Variants in MAD1L1 observed in about 807,000 individuals in gnomAD.
MAD1L1 encodes the protein mitotic spindle assembly checkpoint protein MAD1.
A neutral mutation model predicts 96.9 loss-of-function variants in MAD1L1; 95 were observed. That is an observed-to-expected ratio of 0.98 (90% confidence interval 0.83 to 1.16). The LOEUF (loss-of-function observed/expected upper bound fraction) is 1.16. MAD1L1 is among the 50% of genes most tolerant of loss of function. MAD1L1 has a pLI of 0.00. For synonymous variants in MAD1L1, 473 were observed against 396.6 expected, an observed-to-expected ratio of 1.19 and a Z score of -2.29; for missense variants, 1,007 against 954.4, an observed-to-expected ratio of 1.06 and a Z score of -0.73.
At chr7:2,010,263 C>A (rs996946926) in intron 13 of MAD1L1, among the ~76,000 whole-genome samples, 1 of 151,706 alleles carries the variant, frequency 6.6e-6, no homozygotes, top group Admixed American at 6.6e-5. Flanking sequence ...AGTGACAGCA[C>A]CCGCAGAGCT....
chr7:1,906,619 G>A (rs1036065462), intron 17 of MAD1L1, among the ~76,000 whole-genome samples: 5 of 152,352 alleles, frequency 3.3e-5, no homozygotes, highest in Admixed American at 1.3e-4. Context: ...CTCTTTCCCT[G>A]CAGTGCAACT....
At chr7:1,885,306 C>T (rs915489486) in intron 18 of MAD1L1, among the ~76,000 whole-genome samples, 5 of 152,188 alleles carry the variant, frequency 3.3e-5, no homozygotes, top group Non-Finnish European at 2.9e-5. Context: ...CACACCACAG[C>T]GTCCCTCTCG....
chr7:2,215,055 G>T (rs1793188312), intron 9 of MAD1L1, among the ~76,000 whole-genome samples: 1 of 152,008 alleles, frequency 6.6e-6, no homozygotes, highest in Non-Finnish European at 1.5e-5. Context: ...AACACAGGGA[G>T]ACCCCATCTC....
intron 17 of MAD1L1, among the ~76,000 whole-genome samples, chr7:1,929,166 C>T (rs1179438004): frequency 6.6e-6 from 1 of 151,994 alleles, no homozygotes; most frequent in Non-Finnish European, 1.5e-5. Flanking sequence ...CCCTCCCGGG[C>T]CTCCCCTCTT....
intron 18 of MAD1L1, among the ~76,000 whole-genome samples, chr7:1,825,801 C>T (rs1782356395): frequency 6.6e-6 from 1 of 152,140 alleles, no homozygotes; most frequent in Non-Finnish European, 1.5e-5. Flanking sequence ...TGCTCTCATC[C>T]CAGCAGGTGC....
chr7:1,889,512 T>A (rs1175095593), intron 18 of MAD1L1, among the ~76,000 whole-genome samples: 1 of 152,204 alleles, frequency 6.6e-6, no homozygotes, highest in Non-Finnish European at 1.5e-5. Flanking sequence ...CTGAGGCTTG[T>A]CGGGGCCAGG....
intron 5 of MAD1L1, 54 bp from the exon 6 acceptor site, chr7:2,219,510 A>C: frequency 2.5e-6 from 4 of 1,590,198 alleles, no homozygotes; most frequent in Non-Finnish European, 3.4e-6. Flanking sequence ...CGTGCGTGGA[A>C]GGAGCCTGCA....
chr7:1,934,180 A>G (rs1789644464), intron 17 of MAD1L1, among the ~76,000 whole-genome samples: 1 of 152,120 alleles, frequency 6.6e-6, no homozygotes, highest in African/African-American at 2.4e-5. Context: ...GGCCCCCACT[A>G]TCCCAGGCCT....
chr7:2,162,913 G>A (rs920964124), intron 10 of MAD1L1, among the ~76,000 whole-genome samples: 2 of 147,266 alleles, frequency 1.4e-5, no homozygotes, highest in East Asian at 4.0e-4. Context: ...ACGACACACC[G>A]CTCATGATTG....
intron 11 of MAD1L1, among the ~76,000 whole-genome samples, chr7:2,087,366 C>G (rs906491799): frequency 1.2e-4 from 18 of 152,084 alleles, no homozygotes; most frequent in African/African-American, 3.9e-4. Flanking sequence ...ATGGCGAAAC[C>G]CTGTCTCTAC....
Position 2,014,562 on chromosome 7 carries a change from C to T in MAD1L1, c.1299G>A (p.Arg433=), listed in dbSNP as rs1782448226. 6.2e-7 allele frequency: 1 copy of T among 1,611,654 alleles called. No individual in the cohort carries two copies. Among genetic ancestry groups the T allele is most frequent in the South Asian group, 1.1e-5 (1 of 90,974 alleles). ...TPAEYSPQLT[R]RMREAEDMVQ... is the part of the protein sequence containing the mutation. ...CCATATCCTCAGCCTCCCGCATGCG[C>T]CGCGTCAGCTGGGGTGAGTACTCGG... is the stretch of plus-strand genomic sequence containing the variant. Residue 433 remains arginine (R), a synonymous_variant, in exon 13 of 19, where the codon CGG becomes CGA. Coordinates refer to ENST00000265854, the MANE Select transcript of MAD1L1 (RefSeq NM_001013836.2).
intron 10 of MAD1L1, among the ~76,000 whole-genome samples, chr7:2,183,887 A>G (rs1791326348): frequency 6.6e-6 from 1 of 152,040 alleles, no homozygotes; most frequent in Non-Finnish European, 1.5e-5. Context: ...ATGTACCCTA[A>G]AACTTAAAGT....
chr7:2,140,219 C>G (rs1370646312), intron 11 of MAD1L1, among the ~76,000 whole-genome samples: 1 of 152,212 alleles, frequency 6.6e-6, no homozygotes. Flanking sequence ...GGGCCTTCCC[C>G]AGGCCAGTGT....
intron 12 of MAD1L1, among the ~76,000 whole-genome samples, chr7:2,032,804 G>T (rs540731810): frequency 6.6e-6 from 1 of 152,330 alleles, no homozygotes; most frequent in East Asian, 1.9e-4. Context: ...CCAGAACTCA[G>T]CCTGGAGAGG....
intron 18 of MAD1L1, among the ~76,000 whole-genome samples, chr7:1,850,184 C>T (rs533630891): frequency 6.6e-6 from 1 of 152,270 alleles, no homozygotes; most frequent in Non-Finnish European, 1.5e-5. Flanking sequence ...GGTGTTCGGT[C>T]CTGAACCCCT....
chr7:2,139,666 C>T (rs972416416), intron 11 of MAD1L1, among the ~76,000 whole-genome samples: 6 of 152,096 alleles, frequency 3.9e-5, no homozygotes, highest in African/African-American at 1.2e-4. Context: ...AGAGGACACC[C>T]GCCACTCTCC....
At chr7:2,102,306 A>ACCGTCACCATCACCG (rs1306736986) in intron 11 of MAD1L1, among the ~76,000 whole-genome samples, 1 of 107,458 alleles carries the variant, frequency 9.3e-6, no homozygotes, top group Admixed American at 1.1e-4. Context: ...CACCATCACC[A>ACCGTCACCATCACCG]CCGTCACCAT....
intron 14 of MAD1L1, among the ~76,000 whole-genome samples, chr7:1,988,793 C>A: frequency 6.6e-6 from 1 of 152,204 alleles, no homozygotes; most frequent in East Asian, 1.9e-4. Context: ...TCCGGGCAGT[C>A]CTAGCACTGA....
chr7:1,829,291 C>CA (rs1782584913), intron 18 of MAD1L1, among the ~76,000 whole-genome samples: 1 of 152,216 alleles, frequency 6.6e-6, no homozygotes, highest in African/African-American at 2.4e-5. Context: ...CCTCTGCAGT[C>CA]ACGTCACAGC....
Sources: allele counts gnomAD v4.1 joint callset (sites outside exome capture counted in the v4.1 genomes callset), GRCh38; gene constraint gnomAD v4.1.1; transcripts MANE v1.5; gene names NCBI Gene and HGNC (gene_info 2026-07-23, HGNC 2026-07-21).